The following CSN3 variants were observed in gnomAD, a reference collection of about 807,000 sequenced individuals.
CSN3 encodes the protein casein kappa, also known as kappa-casein.
Under a neutral mutation model 9.9 loss-of-function variants are expected in CSN3, and 7 were observed. The observed-to-expected ratio is 0.71, with a 90% CI of 0.40 to 1.33. The LOEUF is 1.33. Among genes scored for constraint, CSN3 ranks in the 40% most tolerant of loss-of-function variants. The pLI is 0.01. For missense variants in CSN3, 253 were observed against 227.9 expected, an observed-to-expected ratio of 1.11 and a Z score of -0.71; for synonymous variants, 88 against 82.3, an observed-to-expected ratio of 1.07 and a Z score of -0.37.
At chr4:70,249,463 CA>C (rs751197924) in exon 4 of CSN3, 2 of 1,604,260 alleles carry the variant, frequency 1.2e-6, no homozygotes, top group Non-Finnish European at 1.7e-6. Flanking sequence ...GGCATAAAAA[CA>C]CCAAGGAAAT....
chr4:70,247,226 T>C (rs3775747), intron 2 of CSN3, among the ~76,000 whole-genome samples: 17,424 of 152,120 alleles, frequency 0.11, 1,320 homozygotes, highest in East Asian at 0.27. Context: ...TTTTTAGTTT[T>C]ATAAATATGT....
At chr4:70,247,938 T>A in intron 3 of CSN3, 88 bp downstream of exon 3, 1 of 881,964 alleles carries the variant, frequency 1.1e-6, no homozygotes, top group South Asian at 2.1e-5. Context: ...GCCTTCTGTC[T>A]AAAACCTAAA....
At chr4:70,248,291 T>C (rs1730418051) in intron 3 of CSN3, among the ~76,000 whole-genome samples, 1 of 152,180 alleles carries the variant, frequency 6.6e-6, no homozygotes, top group African/African-American at 2.4e-5. Context: ...ATGTGTCTCG[T>C]TTTAGGAGAA....
exon 4 of CSN3, chr4:70,249,477 C>T: frequency 1.3e-6 from 2 of 1,572,710 alleles, no homozygotes; most frequent in Non-Finnish European, 1.7e-6. Flanking sequence ...AAGGAAATAT[C>T]AAAGAACACA....
In CSN3 at chr4:70,249,504, A is replaced by G. The variant is rs1730445467; in HGVS notation, c.*34+11A>G. The G allele has an allele frequency of 6.9e-7, 1 of 1,442,572 alleles. No homozygotes were observed. The highest frequency in any genetic ancestry group is 9.6e-7 in the Non-Finnish European group (1 of 1,042,192). The allele number at this position is 1,442,572 out of a possible 1,614,324, so 89.4% of individuals were successfully genotyped here. The stretch of plus-strand genomic sequence containing the variant: ...AAGAACACAACGCAGGTAAATTAAC[A>G]GTATATAAAATGAGTAATTCCGACA... On this transcript the variant is annotated intron_variant, in intron 4 of 4. Coordinates refer to ENST00000304954, the Ensembl canonical transcript of CSN3.
chr4:70,246,082 A>T (rs867550676), intron 2 of CSN3, among the ~76,000 whole-genome samples: 17 of 151,952 alleles, frequency 1.1e-4, no homozygotes, highest in African/African-American at 3.4e-4. Flanking sequence ...AAAAAAAAAA[A>T]TTTATTGATT....
intron 4 of CSN3, 131 bp downstream of exon 4, chr4:70,249,624 C>G: frequency 1.6e-6 from 1 of 620,790 alleles, no homozygotes; most frequent in Non-Finnish European, 2.8e-6. Flanking sequence ...AGGGTACTTA[C>G]AGTTTTACCT....
chr4:70,241,306 C>A (rs534466632), upstream of CSN3, among the ~76,000 whole-genome samples: 17 of 152,088 alleles, frequency 1.1e-4, no homozygotes, highest in African/African-American at 3.1e-4. Context: ...ACCACAAAAA[C>A]CAACTATTCT....
At chr4:70,250,568 A>G (rs533573441) in intron 4 of CSN3, among the ~76,000 whole-genome samples, 4 of 152,330 alleles carry the variant, frequency 2.6e-5, no homozygotes, top group African/African-American at 4.8e-5. Flanking sequence ...AGTAAAATTC[A>G]TACCAGTATC....
chr4:70,249,910 C>T (rs1201437747), intron 4 of CSN3, among the ~76,000 whole-genome samples: 1 of 152,100 alleles, frequency 6.6e-6, no homozygotes, highest in Non-Finnish European at 1.5e-5. Flanking sequence ...AATTCTGTAA[C>T]AATTCTCTTG....
At chr4:70,250,378 T>C (rs752783930) in intron 4 of CSN3, among the ~76,000 whole-genome samples, 24 of 152,148 alleles carry the variant, frequency 1.6e-4, no homozygotes, top group Non-Finnish European at 2.9e-4. Flanking sequence ...GGACTACCAT[T>C]AGCCCAGAAA....
exon 4 of CSN3, chr4:70,249,153 T>C (rs1438085081): frequency 5.6e-6 from 9 of 1,613,958 alleles, no homozygotes; most frequent in Non-Finnish European, 7.6e-6. Flanking sequence ...GCACATATTA[T>C]GCAAACCCAG....
upstream of CSN3, among the ~76,000 whole-genome samples, chr4:70,238,413 T>C (rs565971278): frequency 4.6e-5 from 7 of 151,870 alleles, 1 homozygote; most frequent in South Asian, 8.3e-4. Context: ...AGAAATGTCA[T>C]TGAAACCAGC....
chr4:70,239,352 T>C (rs1730228963), upstream of CSN3, among the ~76,000 whole-genome samples: 1 of 151,916 alleles, frequency 6.6e-6, no homozygotes, highest in Non-Finnish European at 1.5e-5. Flanking sequence ...ACAGAGATCA[T>C]CGTTGATCTG....
intron 2 of CSN3, among the ~76,000 whole-genome samples, chr4:70,247,183 ACCT>A (rs1730394786): frequency 6.6e-6 from 1 of 152,076 alleles, no homozygotes; most frequent in African/African-American, 2.4e-5. Context: ...TTAATATTAT[ACCT>A]CCTTTCAAAA....
At chr4:70,248,736 A>T (rs916840996) in intron 3 of CSN3, among the ~76,000 whole-genome samples, 4 of 152,070 alleles carry the variant, frequency 2.6e-5, no homozygotes, top group African/African-American at 9.7e-5. Flanking sequence ...AATATGGTTT[A>T]CATTATGAAT....
intron 4 of CSN3, among the ~76,000 whole-genome samples, chr4:70,250,482 C>T (rs1210048561): frequency 6.6e-6 from 1 of 151,996 alleles, no homozygotes; most frequent in East Asian, 1.9e-4. Flanking sequence ...TGCTATAAGA[C>T]TCAAGAGAGA....
chr4:70,243,795 G>C (rs957347056), intron 1 of CSN3, among the ~76,000 whole-genome samples: 1 of 151,948 alleles, frequency 6.6e-6, no homozygotes, highest in African/African-American at 2.4e-5. Flanking sequence ...TACTCTTTTA[G>C]AAAAATAAGG....
At chr4:70,244,526 C>T (rs370312341) in intron 1 of CSN3, among the ~76,000 whole-genome samples, 1 of 151,950 alleles carries the variant, frequency 6.6e-6, no homozygotes, top group Non-Finnish European at 1.5e-5. Context: ...AAAATTGATG[C>T]TACTCATTGG....
Sources: gnomAD v4.1 joint callset for allele counts (sites outside exome capture counted in the v4.1 genomes callset) on GRCh38, gnomAD v4.1.1 for gene constraint, MANE v1.5 for transcripts, NCBI Gene and HGNC (gene_info 2026-07-23, HGNC 2026-07-21) for gene names.